The following SCHIP1 variants were observed in gnomAD, a reference collection of about 807,000 sequenced individuals.
SCHIP1 encodes the protein schwannomin-interacting protein 1.
Under a neutral mutation model 29.7 loss-of-function variants are expected in SCHIP1, and 8 were observed. That is an observed-to-expected ratio of 0.27 (90% CI 0.16 to 0.49). The LOEUF is 0.49. SCHIP1 is among the 20% of genes least tolerant of loss of function. The probability of loss-of-function intolerance (pLI) is 0.99; values close to 1 mark genes in which losing one functional copy is unlikely to be tolerated. For synonymous variants in SCHIP1, 76 were observed against 94.9 expected, an observed-to-expected ratio of 0.80 and a Z score of 1.16; for missense variants, 193 against 294.6, an observed-to-expected ratio of 0.66 and a Z score of 2.52.
At chr3:159,505,954 G>A in the SCHIP1 span, among the ~76,000 whole-genome samples, 1 of 152,220 alleles carries the variant, frequency 6.6e-6, no homozygotes, top group Admixed American at 6.5e-5. Context: ...CTTTATAGCA[G>A]TATGATTTAT....
At chr3:159,877,571 G>C (rs1560093204) in intron 2 of SCHIP1, among the ~76,000 whole-genome samples, 2 of 152,126 alleles carry the variant, frequency 1.3e-5, no homozygotes, top group African/African-American at 4.8e-5. Context: ...AAGTGGTAAA[G>C]CAGTGCTTTA....
the SCHIP1 span, among the ~76,000 whole-genome samples, chr3:159,417,430 A>G: frequency 6.6e-6 from 1 of 152,234 alleles, no homozygotes; most frequent in African/African-American, 2.4e-5. Context: ...AAGCATACGA[A>G]TTATACAGTC....
chr3:159,415,667 C>T, the SCHIP1 span, among the ~76,000 whole-genome samples: 1 of 152,108 alleles, frequency 6.6e-6, no homozygotes, highest in Non-Finnish European at 1.5e-5. Flanking sequence ...TGAATATGTA[C>T]CACATTTTCT....
chr3:159,777,400 C>CT, the SCHIP1 span, among the ~76,000 whole-genome samples: 5 of 151,140 alleles, frequency 3.3e-5, no homozygotes, highest in Admixed American at 6.6e-5. Flanking sequence ...ACCAGAGTAG[C>CT]TTTTTTTTTC....
At chr3:159,682,566 A>G in the SCHIP1 span, among the ~76,000 whole-genome samples, 1 of 152,214 alleles carries the variant, frequency 6.6e-6, no homozygotes, top group African/African-American at 2.4e-5. Flanking sequence ...TGAAAACTCT[A>G]AATCTAGAGG....
At chr3:159,526,314 G>C in the SCHIP1 span, among the ~76,000 whole-genome samples, 1 of 151,932 alleles carries the variant, frequency 6.6e-6, no homozygotes, top group African/African-American at 2.4e-5. Context: ...GACTATAGGG[G>C]TGCACCACTG....
At chr3:159,843,802 G>A (rs923964715) in intron 1 of SCHIP1, among the ~76,000 whole-genome samples, 5 of 121,430 alleles carry the variant, frequency 4.1e-5, no homozygotes, top group Non-Finnish European at 7.9e-5. Flanking sequence ...CAGCCTGGGC[G>A]ACAGAGCAAG....
At chr3:159,562,922 C>A in the SCHIP1 span, among the ~76,000 whole-genome samples, 51 of 152,196 alleles carry the variant, frequency 3.4e-4, no homozygotes, top group African/African-American at 1.1e-3. Context: ...CTCTCCATGA[C>A]AAACTTCTAA....
chr3:159,615,874 A>G, the SCHIP1 span, among the ~76,000 whole-genome samples: 1 of 152,148 alleles, frequency 6.6e-6, no homozygotes, highest in Non-Finnish European at 1.5e-5. Context: ...CATGTGCTGG[A>G]AAAATCAAAA....
rs370245367 is a variant in SCHIP1 at position 159,869,462 on chromosome 3, A to AT, written c.149+3188dup. On this transcript the variant is annotated intron_variant, in intron 2 of 6. Coordinates refer to ENST00000445224, the Ensembl canonical transcript of SCHIP1. ...TTGATCGTTTTCCTTATATATGACC[A>AT]TTTTTTTATCATATTTATTGGACAA... Among the ~76,000 whole-genome samples the AT allele has an allele frequency of 1.2e-4, 18 of 151,908 alleles. No homozygotes were observed. The East Asian group carries it at 2.9e-3, about 24-fold the overall frequency.
At chr3:159,616,474 G>C in the SCHIP1 span, among the ~76,000 whole-genome samples, 1 of 152,108 alleles carries the variant, frequency 6.6e-6, no homozygotes, top group Admixed American at 6.5e-5. Context: ...TCTTCTGACA[G>C]AGCATAACCA....
At chr3:159,351,772 G>C in the SCHIP1 span, among the ~76,000 whole-genome samples, 1 of 152,112 alleles carries the variant, frequency 6.6e-6, no homozygotes, top group Admixed American at 6.6e-5. Context: ...GACCATAGGA[G>C]CTGAAGGAAC....
At chr3:159,594,106 A>G in the SCHIP1 span, among the ~76,000 whole-genome samples, 2 of 152,024 alleles carry the variant, frequency 1.3e-5, no homozygotes, top group African/African-American at 2.4e-5. Context: ...CCAGAAGGCA[A>G]CAGATGCCCA....
At chr3:159,632,100 A>G in the SCHIP1 span, among the ~76,000 whole-genome samples, 1 of 152,226 alleles carries the variant, frequency 6.6e-6, no homozygotes, top group Non-Finnish European at 1.5e-5. Flanking sequence ...TGGAGAGGCC[A>G]TCATCTAGAT....
the SCHIP1 span, among the ~76,000 whole-genome samples, chr3:159,293,312 G>T: frequency 2.0e-5 from 3 of 152,150 alleles, no homozygotes; most frequent in Admixed American, 6.6e-5. Flanking sequence ...GTGGATATGG[G>T]TACCAAATCT....
chr3:159,717,329 A>T, the SCHIP1 span, among the ~76,000 whole-genome samples: 1 of 152,230 alleles, frequency 6.6e-6, no homozygotes, highest in African/African-American at 2.4e-5. Flanking sequence ...GAACTGGAGA[A>T]GCAAGAGCAA....
the SCHIP1 span, among the ~76,000 whole-genome samples, chr3:159,279,145 C>T: frequency 2.0e-5 from 3 of 152,246 alleles, no homozygotes; most frequent in Non-Finnish European, 2.9e-5. Context: ...CCCATAATCC[C>T]CATGTGTCAT....
the SCHIP1 span, among the ~76,000 whole-genome samples, chr3:159,775,819 A>G: frequency 5.9e-5 from 9 of 152,314 alleles, no homozygotes; most frequent in African/African-American, 2.2e-4. Context: ...ATATGGAGAG[A>G]ACTTTGCTTT....
At chr3:159,562,513 CT>C in the SCHIP1 span, among the ~76,000 whole-genome samples, 3 of 152,300 alleles carry the variant, frequency 2.0e-5, no homozygotes, top group South Asian at 6.2e-4. Flanking sequence ...TTTGCCTCAG[CT>C]ACCAGGATCC....
Sources: gnomAD v4.1 joint callset for allele counts (sites outside exome capture counted in the v4.1 genomes callset) on GRCh38, gnomAD v4.1.1 for gene constraint, MANE v1.5 for transcripts, NCBI Gene and HGNC (gene_info 2026-07-23, HGNC 2026-07-21) for gene names.